The following ZFHX3 variants were observed in gnomAD, a reference collection of about 807,000 sequenced individuals.
The protein encoded by ZFHX3 is zinc finger homeobox 3, also known as zinc finger homeobox protein 3.
Under a neutral mutation model 279.1 loss-of-function variants are expected in ZFHX3, and 42 were observed. That is an observed-to-expected ratio of 0.15 (90% CI 0.12 to 0.19). The LOEUF (loss-of-function observed/expected upper bound fraction) is 0.19. Ranked by LOEUF, ZFHX3 falls within the 10% of genes least tolerant of loss-of-function variation. ZFHX3 has a pLI of 1.00. For missense variants in ZFHX3, 4,981 were observed against 4,754.0 expected, an observed-to-expected ratio of 1.05 and a Z score of -1.40; for synonymous variants, 2,293 against 1,957.8, an observed-to-expected ratio of 1.17 and a Z score of -4.52.
intron 1 of ZFHX3, among the ~76,000 whole-genome samples, chr16:72,995,457 A>C (rs1963251364): frequency 6.6e-6 from 1 of 152,194 alleles, no homozygotes; most frequent in Non-Finnish European, 1.5e-5. Flanking sequence ...CCAGTCCTGA[A>C]ATAAAGGAAA....
intron 1 of ZFHX3, among the ~76,000 whole-genome samples, chr16:73,786,203 C>G (rs140307751): frequency 6.6e-6 from 1 of 152,076 alleles, no homozygotes; most frequent in East Asian, 1.9e-4. Flanking sequence ...GCATCCTACT[C>G]TTATTTCATG....
At chr16:73,387,216 C>G (rs1167250521) in intron 3 of ZFHX3, 9 of 152,190 alleles carry the variant, frequency 5.9e-5, no homozygotes, top group African/African-American at 1.2e-4. Flanking sequence ...AGTTCAGGTT[C>G]GCGAACGCTG....
At chr16:73,189,375 C>T (rs1326802422) in intron 5 of ZFHX3, among the ~76,000 whole-genome samples, 2 of 152,204 alleles carry the variant, frequency 1.3e-5, no homozygotes, top group South Asian at 2.1e-4. Context: ...GTCATTGCTT[C>T]CTTTACGTTT....
intron 1 of ZFHX3, among the ~76,000 whole-genome samples, chr16:73,762,251 A>G (rs922263761): frequency 6.6e-6 from 1 of 152,220 alleles, no homozygotes; most frequent in African/African-American, 2.4e-5. Context: ...ATCATTGATC[A>G]TTAGAGAAAT....
chr16:73,586,932 C>T (rs944142072), intron 2 of ZFHX3, among the ~76,000 whole-genome samples: 2 of 152,092 alleles, frequency 1.3e-5, no homozygotes, highest in Non-Finnish European at 2.9e-5. Context: ...GTTAATTGGG[C>T]TGTTTTTGCT....
intron 7 of ZFHX3, among the ~76,000 whole-genome samples, chr16:73,129,423 G>A (rs917218734): frequency 1.6e-5 from 2 of 125,174 alleles, no homozygotes; most frequent in African/African-American, 5.6e-5. Flanking sequence ...CAGAATTGAA[G>A]TGATATCTAG....
At chr16:72,974,985 A>G (rs1962287794) in intron 1 of ZFHX3, among the ~76,000 whole-genome samples, 1 of 152,168 alleles carries the variant, frequency 6.6e-6, no homozygotes, top group East Asian at 1.9e-4. Context: ...CAAATCCTAG[A>G]GGCCCAGAGA....
intron 2 of ZFHX3, among the ~76,000 whole-genome samples, chr16:73,624,130 C>T (rs570511966): frequency 1.3e-5 from 2 of 152,182 alleles, no homozygotes; most frequent in Admixed American, 6.5e-5. Context: ...TCACTTTGCA[C>T]TACGCTGGAT....
chr16:73,602,937 C>CAAA (rs796488687), intron 2 of ZFHX3, among the ~76,000 whole-genome samples: 18 of 144,168 alleles, frequency 1.2e-4, no homozygotes, highest in Non-Finnish European at 1.8e-4. Flanking sequence ...GACTCTGACT[C>CAAA]AAAAAAAAAA....
intron 3 of ZFHX3, among the ~76,000 whole-genome samples, chr16:73,374,061 C>T (rs1161189982): frequency 6.6e-6 from 1 of 152,152 alleles, no homozygotes; most frequent in African/African-American, 2.4e-5. Flanking sequence ...CCAGATCCTC[C>T]AGCCCTTCTG....
chr16:73,773,372 T>C (rs2054041468), intron 1 of ZFHX3, among the ~76,000 whole-genome samples: 1 of 152,184 alleles, frequency 6.6e-6, no homozygotes, highest in African/African-American at 2.4e-5. Context: ...TTTTCCATTA[T>C]CATCAAACTG....
intron 2 of ZFHX3, among the ~76,000 whole-genome samples, chr16:73,588,338 A>ATAGT (rs974452603): frequency 1.4e-4 from 21 of 152,338 alleles, no homozygotes; most frequent in African/African-American, 5.1e-4. Context: ...AAAAAAGAAT[A>ATAGT]TAGTATGTCC....
chr16:72,967,218 G>A (rs1407566102), intron 1 of ZFHX3, among the ~76,000 whole-genome samples: 1 of 152,166 alleles, frequency 6.6e-6, no homozygotes, highest in Non-Finnish European at 1.5e-5. Flanking sequence ...TCCACAAAAT[G>A]GAACTGGGGC....
chr16:73,227,520 G>C (rs78297357), intron 5 of ZFHX3, among the ~76,000 whole-genome samples: 1 of 152,176 alleles, frequency 6.6e-6, no homozygotes, highest in South Asian at 2.1e-4. Flanking sequence ...GGTCATAGCT[G>C]CTGGATTACA....
chr16:73,271,251 T>C (rs563690756), intron 4 of ZFHX3, among the ~76,000 whole-genome samples: 1 of 152,272 alleles, frequency 6.6e-6, no homozygotes, highest in African/African-American at 2.4e-5. Context: ...ATTTTAAACA[T>C]CAACTCTTCA....
Position 72,889,942 on chromosome 16 carries a change from A to G in ZFHX3, c.3237T>C (p.Ser1079=). The G allele has an allele frequency of 6.2e-7, 1 of 1,613,586 alleles. No individual in the cohort carries two copies. Among genetic ancestry groups the G allele is most frequent in the Non-Finnish European group, 8.5e-7 (1 of 1,179,914 alleles). The change falls in exon 4 of 10, where the codon AGT becomes AGC. Residue 1079 remains serine, a synonymous_variant. Coordinates refer to ENST00000268489, the MANE Select transcript of ZFHX3 (RefSeq NM_006885.4). ...AGTAGCAGCTCTCACCTTCTACACC[A>G]CTCTCATGCTGCTGCAGGTGCTGCA... The part of the protein sequence containing the change: ...KLYKHLQQHE[S]GVEGESCYYH...
At chr16:73,267,506 G>C (rs1322246127) in intron 4 of ZFHX3, among the ~76,000 whole-genome samples, 1 of 152,126 alleles carries the variant, frequency 6.6e-6, no homozygotes, top group Non-Finnish European at 1.5e-5. Context: ...CTTACAAATT[G>C]AACATGTACC....
At chr16:73,793,063 G>A (rs917244642) in intron 1 of ZFHX3, among the ~76,000 whole-genome samples, 9 of 152,252 alleles carry the variant, frequency 5.9e-5, no homozygotes, top group African/African-American at 2.2e-4. Flanking sequence ...CAGCAGACAG[G>A]GGGACTTCAG....
intron 3 of ZFHX3, among the ~76,000 whole-genome samples, chr16:72,935,045 C>G (rs58762648): frequency 0.022 from 3,354 of 152,300 alleles, 138 homozygotes; most frequent in African/African-American, 0.076. Flanking sequence ...TGCACAATTT[C>G]TGTTTTAGTC....
Sources: gnomAD v4.1 joint callset for allele counts (sites outside exome capture counted in the v4.1 genomes callset) on GRCh38, gnomAD v4.1.1 for gene constraint, MANE v1.5 for transcripts, NCBI Gene and HGNC (gene_info 2026-07-23, HGNC 2026-07-21) for gene names.